MAP4: variants seen among roughly 807,000 people sequenced by gnomAD.
The protein encoded by MAP4 is microtubule associated protein 4.
A neutral mutation model predicts 170.2 loss-of-function variants in MAP4; 76 were observed. The observed-to-expected ratio is 0.45, with a 90% CI of 0.37 to 0.54. MAP4 has a LOEUF of 0.54. Among genes scored for constraint, MAP4 ranks in the 20% least tolerant of loss-of-function variants. The pLI is 0.00. For synonymous variants in MAP4, 909 were observed against 994.5 expected (o/e 0.91, Z 1.62); for missense variants, 2,506 against 2,748.0 (o/e 0.91, Z 1.97).
chr3:47,905,220 G>C (rs996014021), intron 9 of MAP4, among the ~76,000 whole-genome samples: 4 of 152,136 alleles, frequency 2.6e-5, no homozygotes, highest in Non-Finnish European at 5.9e-5. Flanking sequence ...CGATAAGCTA[G>C]AAACAGTGAC....
intron 2 of MAP4, among the ~76,000 whole-genome samples, chr3:47,989,431 T>C (rs1483344501): frequency 6.6e-6 from 1 of 152,198 alleles, no homozygotes; most frequent in Non-Finnish European, 1.5e-5. Context: ...CAGTGCTAAA[T>C]AGTAATTGTT....
chr3:48,061,655 C>T (rs1184906188), intron 1 of MAP4, among the ~76,000 whole-genome samples: 6 of 149,036 alleles, frequency 4.0e-5, no homozygotes, highest in East Asian at 4.0e-4. Flanking sequence ...GGCCGCCCAT[C>T]GTCTGGGATG....
rs55721964 is a variant in MAP4, at chr3:47,850,886, C to CCTT, written c.*2045_*2047dup. Reference sequence around the variant, plus strand: ...TCTCAGGTGCTCTGGAGTGGAGGATCCTTTGAGGGAACTCTGACCACTCCT... The same window carrying CCTT: ...TCTCAGGTGCTCTGGAGTGGAGGATCCTTCTTTGAGGGAACTCTGACCACTCCT... On this transcript the variant is annotated 3_prime_UTR_variant, in exon 21 of 21. Transcript: ENST00000683076. The CCTT allele has an allele frequency of 0.39, 58,791 of 151,746 alleles. 12,809 individuals are homozygous for CCTT. The highest frequency in any genetic ancestry group is 0.6 in the African/African-American group (24,737 of 41,266). The allele number at this position is 151,746 out of a possible 1,614,324, so 9.4% of individuals were successfully genotyped here. A position where few individuals can be genotyped will look rare whatever the true frequency, so the allele number is the denominator to read the frequency against.
Position 47,906,840 on chromosome 3 carries a change from C to CT in MAP4, c.5383+2197dup, listed in dbSNP as rs1192614085. Among the ~76,000 whole-genome samples, 915 of 142,878 alleles carry CT rather than the reference C, an allele frequency of 6.4e-3. 5 individuals carry two copies. Among genetic ancestry groups the CT allele is most frequent in the African/African-American group, 0.02 (787 of 39,100 alleles). 93.7% of individuals were successfully genotyped at this position (142,878 alleles called of 152,430 possible). On this transcript the variant is annotated intron_variant, in intron 9 of 20. Transcript: ENST00000683076. ...AGAGGCCTCTTTCTTTATACTGATT[C>CT]TTTTTTTTTTTTGAAATGGAGTTTC...
At chr3:48,058,645 CATTA>C (rs1416105259) in intron 1 of MAP4, among the ~76,000 whole-genome samples, 1 of 152,104 alleles carries the variant, frequency 6.6e-6, no homozygotes, top group Non-Finnish European at 1.5e-5. Context: ...CCAAGTAATT[CATTA>C]ATTAAAGAAA....
chr3:48,000,868 G>T (rs188492718), intron 1 of MAP4, among the ~76,000 whole-genome samples: 1 of 152,276 alleles, frequency 6.6e-6, no homozygotes, highest in East Asian at 1.9e-4. Context: ...TTAGGAAAAA[G>T]AAATAGAATT....
chr3:47,998,584 T>C, intron 2 of MAP4, 54 bp downstream of exon 2: 1 of 1,394,552 alleles, frequency 7.2e-7, no homozygotes, highest in Non-Finnish European at 1.0e-6. Flanking sequence ...ACCAAAGGCA[T>C]AATCCCTAAC....
rs1254061712 is a variant in MAP4, at chr3:47,855,328, A to C, written c.6616T>G (p.Leu2206Val). 6.2e-7 allele frequency: 1 copy of C among 1,613,878 alleles called. No individual in the cohort carries two copies. The highest frequency in any genetic ancestry group is 1.3e-5 in the African/African-American group (1 of 75,014). ...GCCTGGGCCTTCTCCTTGAAGTTCA[A>C]CTTCTGACTTTCAATCTTGACATCT... is the stretch of plus-strand genomic sequence containing the variant. ...GGDVKIESQK[L>V]NFKEKAQAKV... Residue 2206 changes from leucine to valine, a missense_variant, in exon 19 of 21, where the codon TTG becomes GTG. Transcript: ENST00000683076. The surrounding 1 kb of genome is among the most constrained non-coding windows in gnomAD (Gnocchi z 5.1).
At chr3:48,055,892 CGAG>C (rs1217297380) in intron 1 of MAP4, among the ~76,000 whole-genome samples, 292 of 73,316 alleles carry the variant, frequency 4.0e-3, no homozygotes, top group East Asian at 9.5e-3. Context: ...TCTGCCCGGC[CGAG>C]ACCCCGTCTG....
At chr3:47,881,491 T>TATATATGC (rs2096745612) in intron 10 of MAP4, among the ~76,000 whole-genome samples, 2 of 90,282 alleles carry the variant, frequency 2.2e-5, no homozygotes, top group Non-Finnish European at 4.6e-5. Context: ...TATATATATA[T>TATATATGC]ATATATGCAT....
At chr3:47,944,458 C>T (rs1030014933) in intron 3 of MAP4, among the ~76,000 whole-genome samples, 24 of 151,966 alleles carry the variant, frequency 1.6e-4, no homozygotes, top group Admixed American at 2.6e-4. Flanking sequence ...CTGCTGTTTC[C>T]TCTACCATAA....
intron 1 of MAP4, among the ~76,000 whole-genome samples, chr3:48,055,127 C>G (rs2100130095): frequency 6.6e-6 from 1 of 152,176 alleles, no homozygotes; most frequent in African/African-American, 2.4e-5. Context: ...CGTGGGGAAC[C>G]TGGGCCTCCA....
intron 10 of MAP4, chr3:47,891,313 C>G (rs936235586): frequency 1.3e-6 from 2 of 1,536,238 alleles, no homozygotes; most frequent in Non-Finnish European, 1.7e-6. Context: ...CTTCTCTCTT[C>G]TTGGCCACTG....
chr3:47,905,061 A>C (rs888969675), intron 9 of MAP4, among the ~76,000 whole-genome samples: 5 of 152,182 alleles, frequency 3.3e-5, no homozygotes, highest in Non-Finnish European at 5.9e-5. Flanking sequence ...GATATGTGAG[A>C]ATTGGTAGCA....
chr3:47,942,978 G>T (rs2100057458), intron 3 of MAP4, among the ~76,000 whole-genome samples: 2 of 152,176 alleles, frequency 1.3e-5, no homozygotes, highest in East Asian at 3.9e-4. Context: ...GCCAGGCACG[G>T]TAGTGCACAC....
intron 15 of MAP4, 46 bp from the exon 16 acceptor site, chr3:47,869,373 G>C: frequency 7.7e-7 from 1 of 1,306,510 alleles, no homozygotes; most frequent in East Asian, 2.3e-5. Flanking sequence ...AAGAGGATAA[G>C]AGCTCAAAAG....
At chr3:48,020,317 A>G (rs184477750), upstream of MAP4, among the ~76,000 whole-genome samples, 96 of 152,334 alleles carry the variant, frequency 6.3e-4, 1 homozygote, top group African/African-American at 1.9e-3. Context: ...GAAACCTCAC[A>G]GGCTCTCATT....
At chr3:47,981,667 A>C (rs932085483) in intron 2 of MAP4, among the ~76,000 whole-genome samples, 3 of 151,996 alleles carry the variant, frequency 2.0e-5, no homozygotes, top group Non-Finnish European at 2.9e-5. Context: ...CTAGAGGCTG[A>C]AGCACAAGAA....
chr3:47,982,897 TTTTC>T (rs555266013), intron 2 of MAP4, among the ~76,000 whole-genome samples: 163 of 151,750 alleles, frequency 1.1e-3, no homozygotes, highest in Non-Finnish European at 1.7e-3. Flanking sequence ...ATGAAGGGAG[TTTTC>T]TTTGTTTTTT....
Sources: allele counts gnomAD v4.1 joint callset (sites outside exome capture counted in the v4.1 genomes callset), GRCh38; gene constraint gnomAD v4.1.1; non-coding constraint Gnocchi (gnomAD v3.1); transcripts MANE v1.5; gene names NCBI Gene and HGNC (gene_info 2026-07-23, HGNC 2026-07-21).